RHOBTB2: variants seen among roughly 807,000 people sequenced by gnomAD.
RHOBTB2 encodes Rho related BTB domain containing 2, also known as rho-related BTB domain-containing protein 2.
In RHOBTB2, 39 loss-of-function variants were observed where a neutral mutation model predicts 66.5. That is an observed-to-expected ratio of 0.59 (90% confidence interval 0.45 to 0.77). The LOEUF is 0.77. Among genes scored for constraint, RHOBTB2 ranks in the 30% least tolerant of loss-of-function variants. RHOBTB2 has a pLI of 0.00. For synonymous variants in RHOBTB2, 390 were observed against 395.0 expected, an observed-to-expected ratio of 0.99 and a Z score of 0.15; for missense variants, 755 against 999.1, an observed-to-expected ratio of 0.76 and a Z score of 3.29.
In RHOBTB2 at chr8:23,004,633, C is replaced by G; in HGVS notation, c.192+7C>G. On this transcript the variant is annotated splice_region_variant and intron_variant, in intron 2 of 9. Transcript: ENST00000251822. This position sits in a 1 kb window ranked among gnomAD's most constrained non-coding sequence, Gnocchi z 6.4. The stretch of plus-strand genomic sequence containing the variant: ...ATATCGTGTGTGCCAGGAGGTAAGG[C>G]TGCAGGACTACCTGGCTGGGGGTCC... The G allele has an allele frequency of 6.2e-7, 1 of 1,610,084 alleles. No homozygotes were observed.
In RHOBTB2 at chr8:23,017,595, G is replaced by A; in HGVS notation, c.*126G>A. 6 of 1,426,460 alleles carry A rather than the reference G, an allele frequency of 4.2e-6. No individual in the cohort carries two copies. The highest frequency in any genetic ancestry group is 5.6e-6 in the Non-Finnish European group (6 of 1,065,466). 88.4% of individuals were successfully genotyped at this position (1,426,460 alleles called of 1,614,324 possible). A position where few individuals can be genotyped will look rare whatever the true frequency, so the allele number is the denominator to read the frequency against. ...CCCACGTAACCAGGACCCAGAGGGT[G>A]GAGCTCTTCTTACCAGCCACCGTGG... On this transcript the variant is annotated 3_prime_UTR_variant, in exon 10 of 10. Coordinates refer to ENST00000251822, the MANE Select transcript of RHOBTB2 (RefSeq NM_015178.3). This position sits in a 1 kb window ranked among gnomAD's most constrained non-coding sequence, Gnocchi z 5.3.
chr8:23,007,585 A>G lies in RHOBTB2; in HGVS notation c.1340A>G (p.His447Arg). The G allele has an allele frequency of 6.2e-7, 1 of 1,614,184 alleles. No individual in the cohort carries two copies. Among genetic ancestry groups the G allele is most frequent in the Non-Finnish European group, 8.5e-7 (1 of 1,180,034 alleles). The change falls in exon 5 of 10, where the codon CAC (histidine) becomes CGC (arginine). Residue 447 changes from histidine (H) to arginine (R), a missense_variant. By Grantham distance (29) the His-to-Arg change is conservative. Transcript: ENST00000251822. ...ELDENERDLM[H>R]IAHIAELLEV... The stretch of plus-strand genomic sequence containing the variant: ...GATGAGAACGAGCGTGACCTCATGC[A>G]CATTGCCCACATTGCTGAGCTGCTC...
the RHOBTB2 span, among the ~76,000 whole-genome samples, chr8:22,979,710 CT>C: frequency 7.3e-6 from 1 of 137,744 alleles, no homozygotes; most frequent in African/African-American, 2.7e-5. Context: ...TTTCTTTTTT[CT>C]TTTTTCTTTT....
the RHOBTB2 span, among the ~76,000 whole-genome samples, chr8:22,952,308 G>T: frequency 4.5e-4 from 69 of 152,066 alleles, no homozygotes; most frequent in African/African-American, 1.6e-3. Flanking sequence ...AGTGAGTCAT[G>T]CAGACCCCCA....
chr8:22,988,392 C>T (rs1320998020), intron 1 of RHOBTB2, among the ~76,000 whole-genome samples: 3 of 151,912 alleles, frequency 2.0e-5, no homozygotes, highest in African/African-American at 7.3e-5. Flanking sequence ...GAACTCCTGA[C>T]CTCAAGTGAC....
chr8:22,982,365 A>T, the RHOBTB2 span, among the ~76,000 whole-genome samples: 6 of 152,186 alleles, frequency 3.9e-5, no homozygotes, highest in Non-Finnish European at 7.3e-5. Flanking sequence ...TCATGCCTGT[A>T]ATCCCAGCAC....
chr8:23,003,015 G>A (rs1204705919), intron 1 of RHOBTB2, among the ~76,000 whole-genome samples: 1 of 152,242 alleles, frequency 6.6e-6, no homozygotes, highest in Non-Finnish European at 1.5e-5. Flanking sequence ...TGGTGGCCTG[G>A]CTCTGGGCTG....
chr8:22,975,057 C>T, the RHOBTB2 span, among the ~76,000 whole-genome samples: 1 of 152,264 alleles, frequency 6.6e-6, no homozygotes, highest in South Asian at 2.1e-4. Flanking sequence ...TCCCCCAATA[C>T]TGCTGACCCC....
chr8:22,958,983 C>T, the RHOBTB2 span, among the ~76,000 whole-genome samples: 6 of 152,128 alleles, frequency 3.9e-5, no homozygotes, highest in Non-Finnish European at 7.4e-5. Flanking sequence ...CCTGGAAAGT[C>T]TAAGGCTCCA....
chr8:22,956,198 C>T, the RHOBTB2 span, among the ~76,000 whole-genome samples: 1 of 152,320 alleles, frequency 6.6e-6, no homozygotes, highest in East Asian at 1.9e-4. Context: ...GTTACCAAAG[C>T]TAGGACATTA....
At chr8:22,968,377 A>G in the RHOBTB2 span, among the ~76,000 whole-genome samples, 1 of 152,160 alleles carries the variant, frequency 6.6e-6, no homozygotes, top group Non-Finnish European at 1.5e-5. Flanking sequence ...TTTTAAAAAA[A>G]TATCGAATAA....
At chr8:22,997,452 G>A (rs1027658697), upstream of RHOBTB2, among the ~76,000 whole-genome samples, 10 of 152,144 alleles carry the variant, frequency 6.6e-5, no homozygotes, top group East Asian at 1.9e-4. Context: ...TGAGCGGGGC[G>A]GGGCGGGGGC....
At chr8:22,996,918 TA>T (rs1308075792), upstream of RHOBTB2, among the ~76,000 whole-genome samples, 1 of 151,946 alleles carries the variant, frequency 6.6e-6, no homozygotes, top group East Asian at 1.9e-4. Context: ...TCAGCTGGGG[TA>T]CCAGGGGCTG....
the RHOBTB2 span, among the ~76,000 whole-genome samples, chr8:22,965,834 T>TA: frequency 6.6e-6 from 1 of 152,138 alleles, no homozygotes; most frequent in Non-Finnish European, 1.5e-5. Flanking sequence ...GAAGAAAACA[T>TA]AGAGGCAAAG....
chr8:22,997,606 C>T (rs1405996741), upstream of RHOBTB2, among the ~76,000 whole-genome samples: 1 of 152,206 alleles, frequency 6.6e-6, no homozygotes, highest in Non-Finnish European at 1.5e-5. Context: ...GCAGAAAGGG[C>T]ATTGGCTCTA....
chr8:22,960,525 G>T, the RHOBTB2 span, among the ~76,000 whole-genome samples: 1 of 152,024 alleles, frequency 6.6e-6, no homozygotes, highest in Non-Finnish European at 1.5e-5. Flanking sequence ...CACCATGTTG[G>T]CCAGGCTGGT....
At chr8:22,994,788 G>A (rs892913744), upstream of RHOBTB2, 2 of 642,884 alleles carry the variant, frequency 3.1e-6, no homozygotes, top group African/African-American at 3.6e-5. Context: ...TTTTGAGACA[G>A]AGTCTCACTC....
In RHOBTB2 at chr8:23,006,125, G is replaced by A; in HGVS notation, c.462G>A (p.Arg154=). 6.2e-7 allele frequency: 1 copy of A among 1,613,348 alleles called. No individual in the cohort carries two copies. The highest frequency in any genetic ancestry group is 8.5e-7 in the Non-Finnish European group (1 of 1,179,642). ...ACGCTGACCTGGAGGCTGTCAACAG[G>A]GCTAGGCGACCCTTGGCTAGGTAGG... The part of the protein sequence containing the change: ...LRYADLEAVN[R]ARRPLARPIK... Residue 154 remains arginine (R), a synonymous_variant, in exon 4 of 10, where the codon AGG becomes AGA. Coordinates refer to ENST00000251822, the MANE Select transcript of RHOBTB2 (RefSeq NM_015178.3). This position sits in a 1 kb window ranked among gnomAD's most constrained non-coding sequence, Gnocchi z 6.1.
chr8:22,996,501 GTGTGT>G (rs1810563233), upstream of RHOBTB2, among the ~76,000 whole-genome samples: 7 of 1,102 alleles, frequency 6.4e-3, no homozygotes, highest in Admixed American at 0.059. Flanking sequence ...GGGCTGGTGT[GTGTGT>G]GTGTGTGTGT....
Sources: allele counts gnomAD v4.1 joint callset (sites outside exome capture counted in the v4.1 genomes callset), GRCh38; gene constraint gnomAD v4.1.1; non-coding constraint Gnocchi (gnomAD v3.1); transcripts MANE v1.5; gene names NCBI Gene and HGNC (gene_info 2026-07-23, HGNC 2026-07-21).